GMDS: variants seen among roughly 807,000 people sequenced by gnomAD.
The protein encoded by GMDS is GDP-mannose 4,6-dehydratase.
GMDS carries 20 observed loss-of-function variants against 49.9 expected under a neutral mutation model. The ratio of observed to expected loss-of-function variants is 0.40; its 90% confidence interval spans 0.28 to 0.58. The LOEUF (loss-of-function observed/expected upper bound fraction) is 0.58, where lower values mean the gene tolerates loss of function less well. GMDS is among the 20% of genes least tolerant of loss of function. The pLI, the probability that GMDS is intolerant of heterozygous loss-of-function variation, is 0.42. For synonymous variants in GMDS, 177 were observed against 178.6 expected, an observed-to-expected ratio of 0.99 and a Z score of 0.07; for missense variants, 362 against 481.4, an observed-to-expected ratio of 0.75 and a Z score of 2.32.
At chr6:2,229,106 G>C (rs1780957493) in intron 1 of GMDS, among the ~76,000 whole-genome samples, 1 of 152,200 alleles carries the variant, frequency 6.6e-6, no homozygotes, top group African/African-American at 2.4e-5. Flanking sequence ...GGGTGAGAGA[G>C]GGCATCAGCC....
chr6:2,079,169 T>C (rs1772527290), intron 4 of GMDS, among the ~76,000 whole-genome samples: 1 of 151,824 alleles, frequency 6.6e-6, no homozygotes, highest in Non-Finnish European at 1.5e-5. Flanking sequence ...TGTGCCATTA[T>C]AGGTAAAGTG....
chr6:1,661,087 A>T (rs1002993944), intron 9 of GMDS, among the ~76,000 whole-genome samples: 2 of 152,138 alleles, frequency 1.3e-5, no homozygotes, highest in African/African-American at 2.4e-5. Context: ...CCACGTGATT[A>T]CAACGAACAC....
chr6:1,680,197 G>A (rs891374427), intron 9 of GMDS, among the ~76,000 whole-genome samples: 4 of 152,100 alleles, frequency 2.6e-5, no homozygotes, highest in Admixed American at 2.0e-4. Context: ...TTCAAAGACC[G>A]GGCCTCAGAG....
At chr6:2,093,769 A>C (rs915608358) in intron 4 of GMDS, among the ~76,000 whole-genome samples, 1 of 152,060 alleles carries the variant, frequency 6.6e-6, no homozygotes, top group African/African-American at 2.4e-5. Flanking sequence ...CAGACTAGAA[A>C]GAAAAGCAGC....
chr6:2,034,126 C>T (rs917056376), intron 4 of GMDS, among the ~76,000 whole-genome samples: 2 of 152,032 alleles, frequency 1.3e-5, no homozygotes, highest in African/African-American at 2.4e-5. Flanking sequence ...GGGACACGTA[C>T]AAAAATATTA....
At chr6:1,732,982 C>T (rs373047232) in intron 8 of GMDS, among the ~76,000 whole-genome samples, 2 of 152,356 alleles carry the variant, frequency 1.3e-5, no homozygotes, top group African/African-American at 4.8e-5. Context: ...GAGACTGCAA[C>T]GAAGAAGATG....
intron 1 of GMDS, among the ~76,000 whole-genome samples, chr6:2,188,012 G>A (rs1329795940): frequency 6.6e-6 from 1 of 152,190 alleles, no homozygotes; most frequent in Non-Finnish European, 1.5e-5. Flanking sequence ...GCTTAGGATG[G>A]TAATGATTAG....
chr6:2,136,542 T>G (rs999208549), intron 1 of GMDS, among the ~76,000 whole-genome samples: 1 of 152,172 alleles, frequency 6.6e-6, no homozygotes, highest in Non-Finnish European at 1.5e-5. Flanking sequence ...GGCAACATAG[T>G]GAGACCCCAT....
At chr6:1,675,089 CA>C (rs1215384279) in intron 9 of GMDS, among the ~76,000 whole-genome samples, 4 of 152,066 alleles carry the variant, frequency 2.6e-5, no homozygotes, top group Non-Finnish European at 5.9e-5. Context: ...AGGTATGCAA[CA>C]CCACGCCTGG....
intron 8 of GMDS, among the ~76,000 whole-genome samples, chr6:1,728,597 T>G (rs1243242827): frequency 6.6e-6 from 1 of 152,218 alleles, no homozygotes; most frequent in Non-Finnish European, 1.5e-5. Flanking sequence ...ATTCAATTTT[T>G]AAAAAATCAC....
At chr6:2,059,781 T>G (rs897485109) in intron 4 of GMDS, among the ~76,000 whole-genome samples, 6 of 149,550 alleles carry the variant, frequency 4.0e-5, no homozygotes, top group African/African-American at 1.2e-4. Flanking sequence ...CCTTAAATAC[T>G]TTTTAAACTT....
intron 4 of GMDS, among the ~76,000 whole-genome samples, chr6:2,016,965 C>T (rs988503006): frequency 6.6e-6 from 1 of 151,664 alleles, no homozygotes. Flanking sequence ...AGATCTAAAA[C>T]ACATAATCTA....
At chr6:1,691,983 C>T (rs949775330) in intron 9 of GMDS, among the ~76,000 whole-genome samples, 7 of 151,952 alleles carry the variant, frequency 4.6e-5, no homozygotes, top group African/African-American at 1.7e-4. Context: ...CATTTGAGTC[C>T]GTGGACTGGG....
At position 2,148,879 on chromosome 6, in the gene GMDS, G is replaced by A. The variant is rs369676484; in HGVS notation, c.103-24148C>T. Among the ~76,000 whole-genome samples, 8 of 152,238 alleles carry A rather than the reference G, an allele frequency of 5.3e-5. 1 individual carries two copies. In the South Asian group the frequency reaches 1.2e-3, roughly 24 times the overall value. On this transcript the variant is annotated intron_variant, in intron 1 of 10. Coordinates refer to ENST00000380815, the MANE Select transcript of GMDS (RefSeq NM_001500.4). The stretch of plus-strand genomic sequence containing the variant: ...ACCATTCACGGACATGCAGCAATAC[G>A]GTAGAACACGTGAGAAACTGCTCAT...
intron 7 of GMDS, among the ~76,000 whole-genome samples, chr6:1,795,364 C>T (rs1469828125): frequency 1.3e-5 from 2 of 152,302 alleles, no homozygotes; most frequent in South Asian, 4.1e-4. Context: ...GCATACAACA[C>T]TAGTCTAATG....
At chr6:1,886,676 C>T (rs1182157820) in intron 7 of GMDS, among the ~76,000 whole-genome samples, 1 of 152,084 alleles carries the variant, frequency 6.6e-6, no homozygotes, top group Non-Finnish European at 1.5e-5. Context: ...TTTATCAACA[C>T]CAGTGACTCA....
chr6:2,067,607 C>G (rs997222829), intron 4 of GMDS, among the ~76,000 whole-genome samples: 1 of 151,986 alleles, frequency 6.6e-6, no homozygotes, highest in Non-Finnish European at 1.5e-5. Context: ...CACAGAAATA[C>G]AAACTACCAT....
intron 9 of GMDS, among the ~76,000 whole-genome samples, chr6:1,638,168 C>A (rs1763221960): frequency 6.6e-6 from 1 of 152,074 alleles, no homozygotes; most frequent in Non-Finnish European, 1.5e-5. Flanking sequence ...AGGAATGGAA[C>A]CTAAGAGTTA....
intron 1 of GMDS, among the ~76,000 whole-genome samples, chr6:2,203,192 G>C (rs1335347443): frequency 1.3e-5 from 2 of 152,116 alleles, no homozygotes; most frequent in Non-Finnish European, 2.9e-5. Context: ...TTAGGCCACT[G>C]GGGGGTTGGG....
Sources: gnomAD v4.1 joint callset for allele counts (sites outside exome capture counted in the v4.1 genomes callset) on GRCh38, gnomAD v4.1.1 for gene constraint, MANE v1.5 for transcripts, NCBI Gene and HGNC (gene_info 2026-07-23, HGNC 2026-07-21) for gene names.